Variants in PITPNA observed in about 807,000 individuals in gnomAD.
PITPNA encodes phosphatidylinositol transfer protein alpha.
Under a neutral mutation model 50.3 loss-of-function variants are expected in PITPNA, and 13 were observed. The ratio of observed to expected loss-of-function variants is 0.26; its 90% CI spans 0.17 to 0.41. PITPNA has a LOEUF of 0.41. PITPNA is among the 10% of genes least tolerant of loss of function. The pLI, the probability that PITPNA is intolerant of heterozygous loss-of-function variation, is 1.00. For missense variants in PITPNA, 207 were observed against 333.4 expected (o/e 0.62, Z 2.95); for synonymous variants, 120 against 119.6 (o/e 1.00, Z -0.02).
intron 7 of PITPNA, among the ~76,000 whole-genome samples, chr17:1,537,047 C>T (rs1244208155): frequency 2.6e-5 from 4 of 151,678 alleles, no homozygotes; most frequent in Non-Finnish European, 4.4e-5. Context: ...TATAGGCATG[C>T]GCCACCACGC....
chr17:1,551,989 A>G (rs1216964727), intron 3 of PITPNA, among the ~76,000 whole-genome samples: 1 of 151,850 alleles, frequency 6.6e-6, no homozygotes, highest in East Asian at 2.0e-4. Flanking sequence ...AGACTGGGTG[A>G]TGGTGAGGTT....
At chr17:1,561,422 T>G (rs965249523) in intron 1 of PITPNA, 2 of 152,080 alleles carry the variant, frequency 1.3e-5, no homozygotes, top group African/African-American at 4.8e-5. Context: ...ACCCCTCAAT[T>G]CCTCAAAGAA....
intron 4 of PITPNA, among the ~76,000 whole-genome samples, chr17:1,544,671 C>A (rs2075664114): frequency 6.6e-6 from 1 of 152,258 alleles, no homozygotes; most frequent in South Asian, 2.1e-4. Flanking sequence ...GGCACGGTGG[C>A]TCCCGCCTGG....
At chr17:1,558,410 A>G (rs2151015012) in intron 2 of PITPNA, 119 bp downstream of exon 2, 1 of 692,502 alleles carries the variant, frequency 1.4e-6, no homozygotes, top group East Asian at 2.7e-5. Context: ...TCACATTGAA[A>G]TATTTATGTT....
chr17:1,539,550 C>T (rs986942326), intron 6 of PITPNA, among the ~76,000 whole-genome samples: 1 of 151,068 alleles, frequency 6.6e-6, no homozygotes, highest in African/African-American at 2.4e-5. Flanking sequence ...AGAGCTGGGC[C>T]CGAGTGATCC....
chr17:1,559,731 C>T (rs186373077), intron 1 of PITPNA: 231 of 981,906 alleles, frequency 2.4e-4, no homozygotes, highest in Non-Finnish European at 2.7e-4. Context: ...AAGAAGGACA[C>T]AGAGGGGTCT....
chr17:1,539,552 G>C (rs867156153), intron 6 of PITPNA, among the ~76,000 whole-genome samples: 6 of 150,978 alleles, frequency 4.0e-5, no homozygotes, highest in African/African-American at 1.2e-4. Flanking sequence ...AGCTGGGCCC[G>C]AGTGATCCTC....
At chr17:1,545,997 G>A (rs563870038) in intron 4 of PITPNA, among the ~76,000 whole-genome samples, 2 of 148,004 alleles carry the variant, frequency 1.4e-5, no homozygotes, top group Admixed American at 6.9e-5. Context: ...GCACGATCTC[G>A]GCTCACTGTA....
chr17:1,559,883 T>C, intron 1 of PITPNA: 1 of 523,372 alleles, frequency 1.9e-6, no homozygotes, highest in Non-Finnish European at 2.5e-6. Flanking sequence ...GTTTACTGAA[T>C]GCTGCCAGTG....
Position 1,521,764 on chromosome 17 carries a change from G to A in PITPNA, c.769-119C>T, listed in dbSNP as rs2075514210. The stretch of plus-strand genomic sequence containing the variant: ...TTGTGTAAAAAGCAAGACACTGGAA[G>A]GACGGAAGAATTCTGCATATGGACT... On this transcript the variant is annotated intron_variant, in intron 10 of 11. Transcript: ENST00000313486. 10 of 779,102 alleles carry A rather than the reference G, an allele frequency of 1.3e-5. No homozygotes were observed. In the Admixed American group the frequency reaches 1.8e-4, roughly 14 times the overall value. 48.3% of individuals were successfully genotyped at this position (779,102 alleles called of 1,614,324 possible).
In PITPNA at chr17:1,538,148, C is replaced by T. The variant is rs189687734; in HGVS notation, c.456+721G>A. On this transcript the variant is annotated intron_variant, in intron 7 of 11. Coordinates refer to ENST00000313486, the MANE Select transcript of PITPNA (RefSeq NM_006224.4). ...GACCACAGGAAAGAGGTATCACACC[C>T]CTGGGATACAAAGAGCAAACACACA... Among the ~76,000 whole-genome samples the T allele has an allele frequency of 8.7e-4, 133 of 152,216 alleles. No individual in the cohort carries two copies. In the Middle Eastern group the frequency reaches 0.01, roughly 12 times the overall value.
chr17:1,552,482 T>C (rs2075714692), intron 3 of PITPNA, among the ~76,000 whole-genome samples: 1 of 152,232 alleles, frequency 6.6e-6, no homozygotes, highest in Non-Finnish European at 1.5e-5. Context: ...TTAAAAATGC[T>C]GATGCCTTTG....
At position 1,553,146 on chromosome 17, in the gene PITPNA, G is replaced by A; in HGVS notation, c.55C>T (p.Gln19Ter). Residue 19 changes from glutamine to a stop codon, truncating the protein, a stop_gained, in exon 3 of 12, where the codon CAA (glutamine) becomes TAA (stop). Transcript: ENST00000313486. LOFTEE classifies it high-confidence loss of function. ...GCCACAGAATACAGCTGCCCCACTT[G>A]ATACTAAAGGACAGAGACAGATGTT... Reference protein sequence around the residue: ...VILPVSVDEYQVGQLYSVAEA... With the variant: ...VILPVSVDEY 1 of 1,613,808 alleles carries A rather than the reference G, an allele frequency of 6.2e-7. No homozygotes were observed.
intron 10 of PITPNA, among the ~76,000 whole-genome samples, chr17:1,522,165 G>A (rs997117992): frequency 7.3e-5 from 11 of 150,164 alleles, no homozygotes; most frequent in Non-Finnish European, 1.3e-4. Flanking sequence ...TCCGCTTCCC[G>A]GGTTCACGCC....
At chr17:1,561,512 G>A (rs1463381414) in intron 1 of PITPNA, among the ~76,000 whole-genome samples, 1 of 151,878 alleles carries the variant, frequency 6.6e-6, no homozygotes, top group African/African-American at 2.4e-5. Context: ...ATCTCCAACG[G>A]CAGGTATACT....
At chr17:1,534,351 C>T (rs903104572) in intron 9 of PITPNA, 130 bp from the exon 10 acceptor site, 40 of 1,105,374 alleles carry the variant, frequency 3.6e-5, no homozygotes, top group East Asian at 3.4e-4. Flanking sequence ...GAGTAATGCC[C>T]GGCTGGTTAT....
At chr17:1,523,058 G>A (rs9675006) in intron 10 of PITPNA, among the ~76,000 whole-genome samples, 8,420 of 152,226 alleles carry the variant, frequency 0.055, 287 homozygotes, top group African/African-American at 0.091. Context: ...TGCAGGTGCA[G>A]GTCTCAGATC....
chr17:1,553,011 G>A lies in PITPNA; in HGVS notation c.190C>T (p.Leu64=), dbSNP rs373979439. ...GCTGCTCATGCCGCATACCTCTGCA[G>A]GTGGTAGATCTTGTGTGTGTACTGG... ...KGQYTHKIYH[L]QSKVPTFVRM... The change falls in exon 3 of 12, where the codon CTG becomes TTG. Residue 64 remains leucine (L), a synonymous_variant. Coordinates refer to ENST00000313486, the MANE Select transcript of PITPNA (RefSeq NM_006224.4). 6 of 1,613,818 alleles carry A rather than the reference G, an allele frequency of 3.7e-6. No individual in the cohort carries two copies. In the African/African-American group the frequency reaches 8.0e-5, roughly 22 times the overall value.
At position 1,558,381 on chromosome 17, in the gene PITPNA, G is replaced by A. The variant is rs1598415120; in HGVS notation, c.51+148C>T. 6.3e-6 allele frequency: 4 copies of A among 636,326 alleles called. No individual in the cohort carries two copies. In the East Asian group the frequency reaches 1.1e-4, roughly 17 times the overall value. The allele number at this position is 636,326 out of a possible 1,614,324, so 39.4% of individuals were successfully genotyped here. ...ACAAAGTAAGTGCCATTTTTCAACTGAAAGTGGCACCACGAAATTCACATT... is the reference window on the plus strand; with the variant it reads ...ACAAAGTAAGTGCCATTTTTCAACTAAAAGTGGCACCACGAAATTCACATT... On this transcript the variant is annotated intron_variant, in intron 2 of 11. Coordinates refer to ENST00000313486, the MANE Select transcript of PITPNA (RefSeq NM_006224.4).
Sources: allele counts gnomAD v4.1 joint callset (sites outside exome capture counted in the v4.1 genomes callset), GRCh38; gene constraint gnomAD v4.1.1; transcripts MANE v1.5; gene names NCBI Gene and HGNC (gene_info 2026-07-23, HGNC 2026-07-21).